Variants in SLC17A1 observed in about 807,000 individuals in gnomAD.
SLC17A1 encodes the protein sodium-dependent phosphate transport protein 1.
A neutral mutation model predicts 53.5 loss-of-function variants in SLC17A1; 51 were observed. That is an observed-to-expected ratio of 0.95 (90% CI 0.76 to 1.20). The LOEUF is 1.20. Among genes scored for constraint, SLC17A1 ranks in the 50% most tolerant of loss-of-function variants. The pLI, the probability that SLC17A1 is intolerant of heterozygous loss-of-function variation, is 0.00. For missense variants in SLC17A1, 538 were observed against 568.2 expected (o/e 0.95, Z 0.54); for synonymous variants, 179 against 198.8 (o/e 0.90, Z 0.84).
chr6:25,776,716 T>C, the SLC17A1 span: 1 of 1,613,958 alleles, frequency 6.2e-7, no homozygotes, highest in Non-Finnish European at 8.5e-7. Context: ...AGGAAACTCT[T>C]CACTGCCATT....
the SLC17A1 span, among the ~76,000 whole-genome samples, chr6:25,753,937 G>A: frequency 6.6e-6 from 1 of 152,130 alleles, no homozygotes; most frequent in Non-Finnish European, 1.5e-5. Context: ...TTAGAAACCA[G>A]AGAAAAGATA....
At chr6:25,814,984 CACACAA>C (rs199961319) in intron 6 of SLC17A1, among the ~76,000 whole-genome samples, 2,825 of 32,458 alleles carry the variant, frequency 0.087, 83 homozygotes, top group African/African-American at 0.39. Context: ...AAGACTCTGT[CACACAA>C]ACACACACAC....
the SLC17A1 span, among the ~76,000 whole-genome samples, chr6:25,766,980 A>G: frequency 6.6e-6 from 1 of 152,202 alleles, no homozygotes; most frequent in East Asian, 1.9e-4. Context: ...AGTAGTTAAT[A>G]ATATATCACT....
chr6:25,726,536 A>T, the SLC17A1 span: 1 of 1,601,186 alleles, frequency 6.2e-7, no homozygotes, highest in Non-Finnish European at 8.5e-7. Context: ...ATCTCCTCGC[A>T]TCAAATTGCA....
chr6:25,776,754 G>A, the SLC17A1 span: 2 of 1,613,926 alleles, frequency 1.2e-6, no homozygotes, highest in Non-Finnish European at 8.5e-7. Context: ...ACACAGGGGT[G>A]AACGTGGGAA....
the SLC17A1 span, chr6:25,726,980 G>C: frequency 6.2e-7 from 1 of 1,614,164 alleles, no homozygotes; most frequent in African/African-American, 1.3e-5. Context: ...TTAAGACCCA[G>C]AAAAAGGAAG....
At chr6:25,744,661 T>C in the SLC17A1 span, among the ~76,000 whole-genome samples, 2 of 152,216 alleles carry the variant, frequency 1.3e-5, no homozygotes, top group Non-Finnish European at 2.9e-5. Context: ...TGCTATTTAA[T>C]GGTATGCTAT....
chr6:25,733,828 G>A, the SLC17A1 span, among the ~76,000 whole-genome samples: 1 of 151,384 alleles, frequency 6.6e-6, no homozygotes, highest in Non-Finnish European at 1.5e-5. Context: ...GTGTGTGTGT[G>A]TGTGTGTGTA....
downstream of SLC17A1, chr6:25,779,945 T>C (rs1763219366): frequency 6.6e-6 from 1 of 152,250 alleles, no homozygotes; most frequent in Non-Finnish European, 1.5e-5. Flanking sequence ...TTTTGGACAG[T>C]GACCCATGAT....
chr6:25,809,255 G>A (rs1444917164), intron 10 of SLC17A1, among the ~76,000 whole-genome samples: 1 of 151,964 alleles, frequency 6.6e-6, no homozygotes, highest in African/African-American at 2.4e-5. Context: ...AAGAGTGGGA[G>A]GAGGGTGAGG....
Position 25,800,954 on chromosome 6 carries a change from G to A in SLC17A1, c.1205C>T (p.Ser402Leu), listed in dbSNP as rs1426251413. The A allele has an allele frequency of 6.2e-7, 1 of 1,604,494 alleles. No homozygotes were observed. The highest frequency in any genetic ancestry group is 1.3e-5 in the African/African-American group (1 of 74,828). The change falls in exon 11 of 13, where the codon TCA becomes TTA. Residue 402 changes from serine to leucine, a missense_variant. Transcript: ENST00000244527. ...TCCTCCTATCATTCCAGTTAAAGTTGAACATGCTTTAATAAATCCAAAATA... is the reference window on the plus strand; with the variant it reads ...TCCTCCTATCATTCCAGTTAAAGTTAAACATGCTTTAATAAATCCAAAATA... Reference protein sequence around the residue: ...PRYFGFIKACSTLTGMIGGLI... With the variant: ...PRYFGFIKACLTLTGMIGGLI...
At chr6:25,767,961 T>C in the SLC17A1 span, among the ~76,000 whole-genome samples, 1 of 152,170 alleles carries the variant, frequency 6.6e-6, no homozygotes, top group East Asian at 1.9e-4. Flanking sequence ...GTGAAGGCCT[T>C]AACTGAAGAT....
chr6:25,822,503 T>C (rs1291402784), intron 3 of SLC17A1, among the ~76,000 whole-genome samples: 1 of 152,232 alleles, frequency 6.6e-6, no homozygotes, highest in Non-Finnish European at 1.5e-5. Flanking sequence ...GTATTCTATT[T>C]CTTCATTTTT....
intron 2 of SLC17A1, 121 bp from the exon 3 acceptor site, chr6:25,826,754 T>C: frequency 2.0e-6 from 1 of 509,854 alleles, no homozygotes; most frequent in Non-Finnish European, 3.2e-6. Context: ...TTTATTGTAC[T>C]TAATGACCTT....
the SLC17A1 span, among the ~76,000 whole-genome samples, chr6:25,769,901 G>C: frequency 6.6e-6 from 1 of 151,966 alleles, no homozygotes. Flanking sequence ...AGAGTATATT[G>C]GGCATATATT....
intron 6 of SLC17A1, among the ~76,000 whole-genome samples, chr6:25,814,988 CAA>C (rs1554130873): frequency 0.28 from 13,003 of 46,814 alleles, 627 homozygotes; most frequent in African/African-American, 0.29. Flanking sequence ...CTCTGTCACA[CAA>C]ACACACACAC....
chr6:25,752,908 C>T, the SLC17A1 span, among the ~76,000 whole-genome samples: 9 of 151,618 alleles, frequency 5.9e-5, no homozygotes, highest in East Asian at 1.9e-4. Flanking sequence ...GCCGAGATCA[C>T]GCCACTGCAG....
At chr6:25,813,896 C>G (rs1295514152) in intron 6 of SLC17A1, among the ~76,000 whole-genome samples, 2 of 152,212 alleles carry the variant, frequency 1.3e-5, no homozygotes, top group African/African-American at 4.8e-5. Flanking sequence ...CCATCCATTT[C>G]CCTGCAAAGG....
Position 25,793,439 on chromosome 6 carries a change from A to G in SLC17A1, c.*2+5344T>C, listed in dbSNP as rs143248773. Reference sequence around the variant, plus strand: ...GAGAAAGAGAGGCACATTATTTTTTATCCTCGGAATACTCACTGACCTCCA... The same window carrying G: ...GAGAAAGAGAGGCACATTATTTTTTGTCCTCGGAATACTCACTGACCTCCA... On this transcript the variant is annotated intron_variant, in intron 12 of 12. Transcript: ENST00000244527. 2.5e-3 allele frequency among the ~76,000 whole-genome samples: 374 copies of G among 152,208 alleles called. 10 individuals carry two copies. The highest frequency in any genetic ancestry group is 6.8e-4 in the Non-Finnish European group (46 of 67,996).
Sources: allele counts gnomAD v4.1 joint callset (sites outside exome capture counted in the v4.1 genomes callset), GRCh38; gene constraint gnomAD v4.1.1; transcripts MANE v1.5; gene names NCBI Gene and HGNC (gene_info 2026-07-23, HGNC 2026-07-21).